The following KANSL1 variants were observed in gnomAD, a reference collection of about 807,000 sequenced individuals.
The protein encoded by KANSL1 is KAT8 regulatory NSL complex subunit 1.
A neutral mutation model predicts 103.6 loss-of-function variants in KANSL1; 22 were observed. The ratio of observed to expected loss-of-function variants is 0.21; its 90% CI spans 0.15 to 0.30. KANSL1 has a LOEUF of 0.30. KANSL1 is among the 10% of genes least tolerant of loss of function. The pLI, the probability that KANSL1 is intolerant of heterozygous loss-of-function variation, is 1.00. For synonymous variants in KANSL1, 600 were observed against 527.6 expected (o/e 1.14, Z -1.88); for missense variants, 1,337 against 1,399.8 (o/e 0.96, Z 0.72).
In KANSL1 at chr17:46,130,187, C is replaced by CAAAAAAAAAAAAAAAAAAAAAA. The variant is rs35017603; in HGVS notation, c.1290-35487_1290-35486insTTTTTTTTTTTTTTTTTTTTTT. ...GGGCAAAAGAATGAGATCCTGTCTC[C>CAAAAAAAAAAAAAAAAAAAAAA]AAAAAAAAAAAAAAAAAAAAAGGAA... On this transcript the variant is annotated intron_variant, in intron 2 of 14. Coordinates refer to ENST00000432791, the MANE Select transcript of KANSL1 (RefSeq NM_015443.4). Among the ~76,000 whole-genome samples, 100 of 75,386 alleles carry CAAAAAAAAAAAAAAAAAAAAAA rather than the reference C, an allele frequency of 1.3e-3. 1 individual carries two copies. Among genetic ancestry groups the CAAAAAAAAAAAAAAAAAAAAAA allele is most frequent in the Non-Finnish European group, 2.2e-3 (82 of 36,912 alleles). 49.5% of individuals were successfully genotyped at this position (75,386 alleles called of 152,430 possible).
intron 1 of KANSL1, among the ~76,000 whole-genome samples, chr17:46,188,591 C>T (rs1362237473): frequency 6.6e-6 from 1 of 152,206 alleles, no homozygotes; most frequent in East Asian, 1.9e-4. Flanking sequence ...TAAGAACCTG[C>T]CCTGTACTCC....
At chr17:46,150,211 T>C (rs887248907) in intron 2 of KANSL1, among the ~76,000 whole-genome samples, 3 of 151,592 alleles carry the variant, frequency 2.0e-5, no homozygotes, top group Admixed American at 1.3e-4. Flanking sequence ...CTGCTTATAC[T>C]GCTCTAATTC....
rs1457193430 is a variant in KANSL1, at chr17:46,038,586, A to C, written c.2493T>G (p.Asp831Glu). 2 of 1,614,102 alleles carry C rather than the reference A, an allele frequency of 1.2e-6. No individual in the cohort carries two copies. The highest frequency in any genetic ancestry group is 1.3e-5 in the African/African-American group (1 of 75,030). Reference protein sequence around the residue: ...PLVRQLSTSSDSPAPASSSSQ... With the variant: ...PLVRQLSTSSESPAPASSSSQ... ...AGCTAGAGCTGGCGGGTGCAGGGGA[A>C]TCTGAGGAGGTGGAGAGCTGTCGCA... Residue 831 changes from aspartate to glutamate, a missense_variant, in exon 10 of 15, where the codon GAT becomes GAG. By Grantham distance (45) the Asp-to-Glu change is conservative. Coordinates refer to ENST00000432791, the MANE Select transcript of KANSL1 (RefSeq NM_015443.4).
At chr17:46,211,439 A>T (rs1162964957) in intron 1 of KANSL1, among the ~76,000 whole-genome samples, 1 of 152,276 alleles carries the variant, frequency 6.6e-6, no homozygotes, top group African/African-American at 2.4e-5. Context: ...GAAAGTTTAC[A>T]GATTTGTGTT....
At chr17:46,188,004 T>C (rs140085584) in intron 1 of KANSL1, among the ~76,000 whole-genome samples, 1 of 152,248 alleles carries the variant, frequency 6.6e-6, no homozygotes, top group Non-Finnish European at 1.5e-5. Flanking sequence ...GGAGTCCAAG[T>C]ATTTTGGTAA....
intron 1 of KANSL1, among the ~76,000 whole-genome samples, chr17:46,219,098 T>C (rs958726794): frequency 1.3e-5 from 2 of 151,362 alleles, no homozygotes; most frequent in African/African-American, 4.9e-5. Flanking sequence ...CCATCTCTAC[T>C]AAAAATAAAA....
intron 4 of KANSL1, among the ~76,000 whole-genome samples, chr17:46,076,704 A>G (rs1030962047): frequency 1.3e-5 from 2 of 152,000 alleles, no homozygotes; most frequent in Admixed American, 6.6e-5. Context: ...CCGTTCACTT[A>G]TGTAATCTTT....
chr17:46,054,490 C>T (rs564158073), intron 6 of KANSL1, among the ~76,000 whole-genome samples: 2 of 152,338 alleles, frequency 1.3e-5, no homozygotes, highest in South Asian at 2.1e-4. Context: ...CTGGTTCTTA[C>T]TTCCAAATCA....
At chr17:46,130,100 C>T (rs1257071222) in intron 2 of KANSL1, among the ~76,000 whole-genome samples, 1 of 149,178 alleles carries the variant, frequency 6.7e-6, no homozygotes, top group African/African-American at 2.5e-5. Context: ...ACGGGAGAAT[C>T]ACTTGTGCCC....
chr17:46,061,211 A>T (rs2078146804), intron 6 of KANSL1, among the ~76,000 whole-genome samples: 1 of 152,250 alleles, frequency 6.6e-6, no homozygotes, highest in African/African-American at 2.4e-5. Flanking sequence ...ACAATGCAGT[A>T]AATTATTAAT....
In KANSL1 at chr17:46,032,180, C is replaced by G. The variant is rs905710793; in HGVS notation, c.2957G>C (p.Gly986Ala). 2 of 1,612,170 alleles carry G rather than the reference C, an allele frequency of 1.2e-6. No homozygotes were observed. Among genetic ancestry groups the G allele is most frequent in the Admixed American group, 1.7e-5 (1 of 59,908 alleles). The change falls in exon 14 of 15, where the codon GGT becomes GCT. Residue 986 changes from glycine to alanine, a missense_variant. By Grantham distance (60) the Gly-to-Ala change is moderately conservative (BLOSUM62 0). Around this residue, in one of 2 missense-constraint regions of KANSL1, gnomAD observed 780 missense variants for 923.4 expected, o/e 0.84. Transcript: ENST00000432791. ...GCTAATGGGGCTCCTAGGGGACTGA[C>G]CATGGGAGTATTCTGACAAAGAGTG... is the stretch of plus-strand genomic sequence containing the variant. ...SSHSLSEYSH[G>A]QSPRSPISPE...
intron 1 of KANSL1, among the ~76,000 whole-genome samples, chr17:46,180,333 T>G (rs1005449670): frequency 1.3e-5 from 2 of 151,156 alleles, no homozygotes; most frequent in African/African-American, 2.4e-5. Context: ...CCGCCTCTAA[T>G]AAAAATACAA....
In KANSL1 at chr17:46,038,661, G is replaced by C. The variant is rs1243561286; in HGVS notation, c.2418C>G (p.Ser806Arg). Residue 806 changes from serine (S) to arginine (R), a missense_variant, in exon 10 of 15, where the codon AGC (serine) becomes AGG (arginine). Around this residue, in one of 2 missense-constraint regions of KANSL1, gnomAD observed 780 missense variants for 923.4 expected, o/e 0.84. Coordinates refer to ENST00000432791, the MANE Select transcript of KANSL1 (RefSeq NM_015443.4). ...GGGTGGCTGCCAAGTAGCTCGAACT[G>C]CTCATGTCTGTGTGATGCTTCAACA... ...SEVLKHHTDM[S>R]SSSYLAATHH... 5 of 1,614,076 alleles carry C rather than the reference G, an allele frequency of 3.1e-6. No individual in the cohort carries two copies. The highest frequency in any genetic ancestry group is 4.2e-6 in the Non-Finnish European group (5 of 1,180,052).
At chr17:46,044,268 A>T (rs1202089020) in intron 7 of KANSL1, 1 of 152,188 alleles carries the variant, frequency 6.6e-6, no homozygotes, top group Admixed American at 6.5e-5. Flanking sequence ...AATAAGACGA[A>T]TTACTAATGT....
Position 46,082,369 on chromosome 17 carries a change from G to T in KANSL1, c.1533+72C>A, listed in dbSNP as rs1354983240. On this transcript the variant is annotated intron_variant, in intron 4 of 14. Coordinates refer to ENST00000432791, the MANE Select transcript of KANSL1 (RefSeq NM_015443.4). ...AGCCAATGCAAGGATCCTAGTTACAGAGAAAAAACGGTGTGCCAAGACAAC... is the reference window on the plus strand; with the variant it reads ...AGCCAATGCAAGGATCCTAGTTACATAGAAAAAACGGTGTGCCAAGACAAC... 2.1e-5 allele frequency: 19 copies of T among 920,782 alleles called. No individual in the cohort carries two copies. In the East Asian group the frequency reaches 4.0e-4, roughly 19 times the overall value. 57.0% of individuals were successfully genotyped at this position (920,782 alleles called of 1,614,324 possible). A position where few individuals can be genotyped will look rare whatever the true frequency, so the allele number is the denominator to read the frequency against.
At position 46,060,287 on chromosome 17, in the gene KANSL1, G is replaced by A. The variant is rs116393368; in HGVS notation, c.1848+6250C>T. ...ATATTCGTTATCTAACTCATCCACT[G>A]TTAACATGTGGAAAGATTTTCAAAG... is the stretch of plus-strand genomic sequence containing the variant. On this transcript the variant is annotated intron_variant, in intron 6 of 14. Coordinates refer to ENST00000432791, the MANE Select transcript of KANSL1 (RefSeq NM_015443.4). Among the ~76,000 whole-genome samples, 242 of 152,288 alleles carry A rather than the reference G, an allele frequency of 1.6e-3. 1 individual carries two copies. The highest frequency in any genetic ancestry group is 5.5e-3 in the African/African-American group (228 of 41,562).
intron 2 of KANSL1, among the ~76,000 whole-genome samples, chr17:46,095,831 A>G (rs761661425): frequency 6.6e-6 from 1 of 152,224 alleles, no homozygotes; most frequent in Non-Finnish European, 1.5e-5. Context: ...AATAGGATAA[A>G]AGAAAAAAAG....
At chr17:46,031,808 A>G in intron 14 of KANSL1, 105 bp from the exon 15 acceptor site, 2 of 1,153,162 alleles carry the variant, frequency 1.7e-6, no homozygotes, top group Non-Finnish European at 2.5e-6. Flanking sequence ...GGACCAGTCT[A>G]TCTAGTGTTC....
intron 2 of KANSL1, among the ~76,000 whole-genome samples, chr17:46,117,288 C>T (rs1414203105): frequency 6.6e-6 from 1 of 152,212 alleles, no homozygotes; most frequent in Non-Finnish European, 1.5e-5. Flanking sequence ...ACGAAGCAAC[C>T]CAGCCAAGCA....
Sources: gnomAD v4.1 joint callset for allele counts (sites outside exome capture counted in the v4.1 genomes callset) on GRCh38, gnomAD v4.1.1 for gene constraint, gnomAD v4.1.1 regional missense constraint, MANE v1.5 for transcripts, NCBI Gene and HGNC (gene_info 2026-07-23, HGNC 2026-07-21) for gene names.